PARVB: variants seen among roughly 807,000 people sequenced by gnomAD.
The protein encoded by PARVB is parvin beta.
PARVB carries 46 observed loss-of-function variants against 47.0 expected under a neutral mutation model. That is an observed-to-expected ratio of 0.98 (90% CI 0.77 to 1.25). The LOEUF is 1.25. Ranked by LOEUF, PARVB falls within the 50% of genes most tolerant of loss-of-function variation. The probability of loss-of-function intolerance (pLI) is 0.00; values close to 1 mark genes in which losing one functional copy is unlikely to be tolerated. For synonymous variants in PARVB, 196 were observed against 196.3 expected (o/e 1.00, Z 0.01); for missense variants, 473 against 471.6 (o/e 1.00, Z -0.03).
At chr22:44,095,571 G>A (rs62226435) in intron 2 of PARVB, among the ~76,000 whole-genome samples, 15,767 of 152,164 alleles carry the variant, frequency 0.1, 855 homozygotes, top group Middle Eastern at 0.18. Context: ...CTTTGGGCCA[G>A]CCAGAGCTGC....
chr22:44,025,948 A>G (rs2050721416), intron 1 of PARVB, among the ~76,000 whole-genome samples: 1 of 152,196 alleles, frequency 6.6e-6, no homozygotes, highest in Admixed American at 6.5e-5. Context: ...ATGAATACAT[A>G]GACAACTGGC....
intron 1 of PARVB, among the ~76,000 whole-genome samples, chr22:44,080,922 A>G (rs2051885320): frequency 6.6e-6 from 1 of 152,154 alleles, no homozygotes; most frequent in Admixed American, 6.5e-5. Flanking sequence ...GATGTGCCTT[A>G]GACTAATAGT....
At chr22:44,082,160 C>T (rs2051916962) in intron 1 of PARVB, among the ~76,000 whole-genome samples, 1 of 152,168 alleles carries the variant, frequency 6.6e-6, no homozygotes, top group Non-Finnish European at 1.5e-5. Context: ...CCACTGTGCA[C>T]CGCAAGGTGG....
intron 1 of PARVB, among the ~76,000 whole-genome samples, chr22:44,080,372 A>G (rs1195590554): frequency 6.6e-6 from 1 of 152,156 alleles, no homozygotes; most frequent in Non-Finnish European, 1.5e-5. Flanking sequence ...TCCAGGGGAG[A>G]ATCCCATTCC....
At chr22:44,095,026 G>A (rs916443730) in intron 2 of PARVB, among the ~76,000 whole-genome samples, 1 of 147,090 alleles carries the variant, frequency 6.8e-6, no homozygotes, top group Non-Finnish European at 1.5e-5. Context: ...GGCTGGGAGT[G>A]TAGGAGCCCC....
intron 3 of PARVB, among the ~76,000 whole-genome samples, chr22:44,118,094 A>C (rs2052952475): frequency 6.6e-6 from 1 of 152,216 alleles, no homozygotes; most frequent in East Asian, 1.9e-4. Flanking sequence ...ATCCACAGAG[A>C]GACTTGTACC....
At chr22:44,026,385 G>A (rs1441550712) in intron 1 of PARVB, 1 of 984,404 alleles carries the variant, frequency 1.0e-6, no homozygotes, top group Admixed American at 6.1e-5. Flanking sequence ...GGGTGAGCTG[G>A]GCGCCCTGCC....
At chr22:44,084,847 A>G (rs1159385764) in intron 1 of PARVB, among the ~76,000 whole-genome samples, 1 of 152,186 alleles carries the variant, frequency 6.6e-6, no homozygotes, top group Non-Finnish European at 1.5e-5. Context: ...ATTGGCTGCC[A>G]CTTTGTTTCC....
intron 1 of PARVB, among the ~76,000 whole-genome samples, chr22:44,090,549 G>C (rs577867900): frequency 4.6e-5 from 7 of 152,338 alleles, no homozygotes; most frequent in Admixed American, 4.6e-4. Context: ...CTCCCTCTCT[G>C]TGTTTTTGAA....
rs2052494132 is a variant in PARVB, at chr22:44,103,322, C to T, written c.273+3199C>T. 6.6e-6 allele frequency: 1 copy of T among 152,242 alleles called. No individual in the cohort carries two copies. 9.4% of individuals were successfully genotyped at this position (152,242 alleles called of 1,614,324 possible). On this transcript the variant is annotated intron_variant, in intron 3 of 12. Coordinates refer to ENST00000338758, the MANE Select transcript of PARVB (RefSeq NM_013327.5). The surrounding 1 kb of genome is among the most constrained non-coding windows in gnomAD (Gnocchi z 4.6). ...TCCCCGACTTCCCTGATGTGGGCTT[C>T]TGAGACCATGGCTCATGGAGATGGG...
At position 44,018,786 on chromosome 22, in the gene PARVB, G is replaced by A. The variant is rs115874006; in HGVS notation, c.211+19113G>A. On this transcript the variant is annotated intron_variant, in intron 2 of 13. Transcript: ENST00000406477. Reference sequence around the variant, plus strand: ...GAGGGCAGTCCTTTCCATCGCCCCCGTTCTCCTCACCCAGATTCTCAGGCC... The same window carrying A: ...GAGGGCAGTCCTTTCCATCGCCCCCATTCTCCTCACCCAGATTCTCAGGCC... 4.5e-3 allele frequency among the ~76,000 whole-genome samples: 681 copies of A among 152,228 alleles called. 6 individuals are homozygous for A. Among genetic ancestry groups the A allele is most frequent in the African/African-American group, 0.015 (618 of 41,546 alleles).
rs546644499 is a variant in PARVB, at chr22:44,052,616, C to T, written c.112+28165C>T. Among the ~76,000 whole-genome samples the T allele has an allele frequency of 1.1e-4, 16 of 152,314 alleles. No homozygotes were observed. The South Asian group carries it at 2.3e-3, about 22-fold the overall frequency. ...AAAGCCCCTATAGACAGTTCATAAG[C>T]ATAGCCGTGGCTGCGTCCCCCTGAA... On this transcript the variant is annotated intron_variant, in intron 1 of 12. Transcript: ENST00000338758.
chr22:44,093,792 G>A, intron 1 of PARVB, 136 bp from the exon 2 acceptor site: 1 of 610,508 alleles, frequency 1.6e-6, no homozygotes, highest in Non-Finnish European at 2.9e-6. Flanking sequence ...CTCTTTCTGG[G>A]CAACAGACCT....
At chr22:44,073,622 C>G (rs2051702584) in intron 1 of PARVB, among the ~76,000 whole-genome samples, 1 of 152,224 alleles carries the variant, frequency 6.6e-6, no homozygotes, top group Non-Finnish European at 1.5e-5. Flanking sequence ...TCTTCAGATG[C>G]AGAAATTTCT....
chr22:44,160,569 A>T (rs900683590), intron 11 of PARVB, among the ~76,000 whole-genome samples: 1 of 151,982 alleles, frequency 6.6e-6, no homozygotes, highest in Non-Finnish European at 1.5e-5. Flanking sequence ...CCTCTCCGGG[A>T]TCCATGTGCT....
At chr22:44,058,617 C>T (rs865910104) in intron 1 of PARVB, among the ~76,000 whole-genome samples, 30 of 145,312 alleles carry the variant, frequency 2.1e-4, no homozygotes, top group African/African-American at 6.4e-4. Flanking sequence ...TGCAATGGCA[C>T]GATCTTGGCT....
chr22:44,169,717 T>G lies in PARVB; in HGVS notation c.*1039T>G, dbSNP rs1206358884. The G allele has an allele frequency of 6.7e-6, 1 of 150,298 alleles. No homozygotes were observed. The highest frequency in any genetic ancestry group is 1.5e-5 in the Non-Finnish European group (1 of 68,118). The allele number at this position is 150,298 out of a possible 1,614,324, so 9.3% of individuals were successfully genotyped here. A position where few individuals can be genotyped will look rare whatever the true frequency, so the allele number is the denominator to read the frequency against. Reference sequence around the variant, plus strand: ...TTATTTTATTTTTTATTTTTGTTTTTATTTTTTGAGACAGAGTCTCGCTCT... The same window carrying G: ...TTATTTTATTTTTTATTTTTGTTTTGATTTTTTGAGACAGAGTCTCGCTCT... On this transcript the variant is annotated 3_prime_UTR_variant, in exon 13 of 13. Coordinates refer to ENST00000338758, the MANE Select transcript of PARVB (RefSeq NM_013327.5).
chr22:44,076,201 AGCAGCTGAGTTGGGGGCCCCATG>A (rs1194731857), intron 1 of PARVB, among the ~76,000 whole-genome samples: 5 of 152,346 alleles, frequency 3.3e-5, no homozygotes, highest in Non-Finnish European at 5.9e-5. Context: ...GTGGCTCCAC[AGCAGCTGAGTTGGGGGCCCCATG>A]GCAGCTGAGT....
chr22:44,067,320 C>T (rs1296412799), intron 1 of PARVB, among the ~76,000 whole-genome samples: 1 of 152,264 alleles, frequency 6.6e-6, no homozygotes, highest in Non-Finnish European at 1.5e-5. Flanking sequence ...GATGTGACTA[C>T]TAGGCTGCTG....
Sources: allele counts gnomAD v4.1 joint callset (sites outside exome capture counted in the v4.1 genomes callset), GRCh38; gene constraint gnomAD v4.1.1; non-coding constraint Gnocchi (gnomAD v3.1); transcripts MANE v1.5; gene names NCBI Gene and HGNC (gene_info 2026-07-23, HGNC 2026-07-21).